Variants in IL7 observed in about 807,000 individuals in gnomAD.
IL7 encodes the protein interleukin-7.
Under a neutral mutation model 21.6 loss-of-function variants are expected in IL7, and 3 were observed. The ratio of observed to expected loss-of-function variants is 0.14; its 90% CI spans 0.06 to 0.36. IL7 has a LOEUF of 0.36. IL7 is among the 10% of genes least tolerant of loss of function. The probability of loss-of-function intolerance (pLI) is 1.00; values close to 1 mark genes in which losing one functional copy is unlikely to be tolerated. For missense variants in IL7, 175 were observed against 200.2 expected, an observed-to-expected ratio of 0.87 and a Z score of 0.76; for synonymous variants, 62 against 68.1, an observed-to-expected ratio of 0.91 and a Z score of 0.44.
chr8:78,743,798 T>C (rs570567578), intron 2 of IL7, among the ~76,000 whole-genome samples: 4 of 151,830 alleles, frequency 2.6e-5, no homozygotes, highest in African/African-American at 9.7e-5. Flanking sequence ...TTGCCTACCT[T>C]TTTTTTTCCC....
intron 4 of IL7, among the ~76,000 whole-genome samples, chr8:78,682,104 T>C (rs1284555850): frequency 6.6e-6 from 1 of 152,102 alleles, no homozygotes; most frequent in Non-Finnish European, 1.5e-5. Context: ...ATTTTAAAAA[T>C]ATAGACATAG....
intron 3 of IL7, among the ~76,000 whole-genome samples, chr8:78,727,458 T>C (rs1313703755): frequency 1.3e-5 from 2 of 152,038 alleles, no homozygotes; most frequent in African/African-American, 4.8e-5. Flanking sequence ...TTTCAGGTCA[T>C]GTTGACATTC....
intron 2 of IL7, among the ~76,000 whole-genome samples, chr8:78,792,484 A>G (rs767220780): frequency 3.7e-4 from 56 of 152,254 alleles, no homozygotes; most frequent in Non-Finnish European, 6.3e-4. Context: ...GAAAATAAAA[A>G]ACAATACAAA....
intron 2 of IL7, among the ~76,000 whole-genome samples, chr8:78,765,365 A>G (rs1261560920): frequency 6.6e-6 from 1 of 152,134 alleles, no homozygotes; most frequent in Non-Finnish European, 1.5e-5. Context: ...TCTGCTTTGC[A>G]AAAAGCAGCA....
At chr8:78,737,519 T>C (rs1002418221) in intron 4 of IL7, among the ~76,000 whole-genome samples, 1 of 152,090 alleles carries the variant, frequency 6.6e-6, no homozygotes, top group East Asian at 1.9e-4. Context: ...AGTTTGGAAA[T>C]AAGTTTGGCA....
chr8:78,730,720 G>A (rs1419735101), downstream of IL7, among the ~76,000 whole-genome samples: 1 of 151,926 alleles, frequency 6.6e-6, no homozygotes. Context: ...CCCCTTAGGA[G>A]CTGAAAGGAA....
At chr8:78,800,760 C>T (rs561014437) in intron 1 of IL7, among the ~76,000 whole-genome samples, 49 of 152,116 alleles carry the variant, frequency 3.2e-4, no homozygotes, top group African/African-American at 1.0e-3. Context: ...AGGTATACTT[C>T]GGGAGGAGTA....
intron 2 of IL7, among the ~76,000 whole-genome samples, chr8:78,767,426 A>T (rs1439159702): frequency 2.6e-5 from 4 of 151,778 alleles, no homozygotes; most frequent in Non-Finnish European, 5.9e-5. Context: ...ACTACATTGT[A>T]TTTTCCTTTT....
At chr8:78,680,096 G>A (rs1430764401) in intron 4 of IL7, among the ~76,000 whole-genome samples, 1 of 152,072 alleles carries the variant, frequency 6.6e-6, no homozygotes, top group Non-Finnish European at 1.5e-5. Flanking sequence ...GTAACATGGT[G>A]ATAGTAGTAG....
At chr8:78,717,220 C>T (rs76261772), downstream of IL7, 28,371 of 990,554 alleles carry the variant, frequency 0.029, 501 homozygotes, top group Non-Finnish European at 0.034. Context: ...ATATTAAAAA[C>T]GAGATTAAGC....
chr8:78,763,261 T>C (rs1812638782), intron 2 of IL7, among the ~76,000 whole-genome samples: 1 of 152,244 alleles, frequency 6.6e-6, no homozygotes, highest in South Asian at 2.1e-4. Context: ...TCTTAATTGA[T>C]ATAAAAGTTA....
At chr8:78,737,605 T>C (rs1352787491) in intron 4 of IL7, among the ~76,000 whole-genome samples, 1 of 152,152 alleles carries the variant, frequency 6.6e-6, no homozygotes, top group Non-Finnish European at 1.5e-5. Flanking sequence ...CCAAGTTATA[T>C]AATAGATAAT....
intron 3 of IL7, among the ~76,000 whole-genome samples, chr8:78,710,083 A>G (rs1810906126): frequency 6.6e-6 from 1 of 152,180 alleles, no homozygotes. Flanking sequence ...GGATAGGTTG[A>G]TATCGTCACC....
intron 3 of IL7, among the ~76,000 whole-genome samples, chr8:78,702,823 A>T (rs1337281130): frequency 1.3e-5 from 2 of 152,040 alleles, no homozygotes; most frequent in Non-Finnish European, 2.9e-5. Flanking sequence ...GGTTTGAGAG[A>T]ATATTTGTTA....
intron 3 of IL7, among the ~76,000 whole-genome samples, chr8:78,692,888 C>T (rs567539260): frequency 1.3e-5 from 2 of 152,250 alleles, no homozygotes; most frequent in South Asian, 4.1e-4. Context: ...CCACTCCCCC[C>T]ACCCCACAAC....
intron 2 of IL7, among the ~76,000 whole-genome samples, chr8:78,796,283 C>T (rs1813851634): frequency 6.6e-6 from 1 of 151,806 alleles, no homozygotes. Context: ...CAGCAATAAA[C>T]AACTAAAATT....
intron 2 of IL7, among the ~76,000 whole-genome samples, chr8:78,745,198 G>C (rs182627758): frequency 1.3e-5 from 2 of 152,142 alleles, no homozygotes; most frequent in Non-Finnish European, 2.9e-5. Flanking sequence ...TTTCAGCATA[G>C]TTTTCTTCTA....
At chr8:78,795,843 C>T (rs1053956069) in intron 2 of IL7, among the ~76,000 whole-genome samples, 2 of 151,938 alleles carry the variant, frequency 1.3e-5, no homozygotes, top group African/African-American at 4.8e-5. Flanking sequence ...AATCAGGAAC[C>T]TCTGGATTAC....
intron 4 of IL7, among the ~76,000 whole-genome samples, chr8:78,678,205 C>G (rs1294684556): frequency 6.6e-6 from 1 of 152,028 alleles, no homozygotes; most frequent in East Asian, 1.9e-4. Flanking sequence ...GAATGCAGTC[C>G]AGTAGGTTTC....
Sources: gnomAD v4.1 joint callset for allele counts (sites outside exome capture counted in the v4.1 genomes callset) on GRCh38, gnomAD v4.1.1 for gene constraint, MANE v1.5 for transcripts, NCBI Gene and HGNC (gene_info 2026-07-23, HGNC 2026-07-21) for gene names.